TAFA2: variants seen among roughly 807,000 people sequenced by gnomAD.
TAFA2 encodes TAFA chemokine like family member 2.
Under a neutral mutation model 18.8 loss-of-function variants are expected in TAFA2, and 7 were observed. That is an observed-to-expected ratio of 0.37 (90% CI 0.21 to 0.70). The LOEUF (loss-of-function observed/expected upper bound fraction) is 0.70, where lower values mean the gene tolerates loss of function less well. Among genes scored for constraint, TAFA2 ranks in the 30% least tolerant of loss-of-function variants. TAFA2 has a pLI of 0.53. For missense variants in TAFA2, 122 were observed against 158.1 expected (o/e 0.77, Z 1.23); for synonymous variants, 60 against 54.2 (o/e 1.11, Z -0.47).
chr12:61,982,451 A>T (rs976796055), intron 1 of TAFA2, among the ~76,000 whole-genome samples: 1 of 152,070 alleles, frequency 6.6e-6, no homozygotes, highest in African/African-American at 2.4e-5. Context: ...AAAAAAAGAA[A>T]AGAAAAGAAA....
At chr12:61,842,239 T>C (rs976253191) in intron 2 of TAFA2, among the ~76,000 whole-genome samples, 34 of 151,116 alleles carry the variant, frequency 2.2e-4, no homozygotes, top group African/African-American at 7.8e-4. Context: ...GTATATGGTA[T>C]AGTTTGCTCA....
chr12:61,906,045 G>A (rs1015669928), intron 1 of TAFA2, among the ~76,000 whole-genome samples: 2 of 152,164 alleles, frequency 1.3e-5, no homozygotes, highest in Non-Finnish European at 2.9e-5. Context: ...TCAGAGACAT[G>A]AAATTGGTCC....
chr12:62,247,113 A>G (rs2062890453), intron 1 of TAFA2, among the ~76,000 whole-genome samples: 1 of 152,056 alleles, frequency 6.6e-6, no homozygotes, highest in African/African-American at 2.4e-5. Context: ...GCCTTATATT[A>G]GATTGCTTAA....
intron 1 of TAFA2, among the ~76,000 whole-genome samples, 165 bp downstream of exon 1, chr12:62,191,094 C>T (rs2062619770): frequency 6.6e-6 from 1 of 152,164 alleles, no homozygotes; most frequent in South Asian, 2.1e-4. Context: ...GGACCCGCAT[C>T]TGCCCTCACC....
intron 1 of TAFA2, among the ~76,000 whole-genome samples, chr12:61,912,038 A>T (rs1021093983): frequency 6.6e-6 from 1 of 152,232 alleles, no homozygotes; most frequent in Non-Finnish European, 1.5e-5. Flanking sequence ...GTTGCAATTT[A>T]TCAAGTGCCT....
chr12:61,713,092 A>G (rs919729240), intron 4 of TAFA2, among the ~76,000 whole-genome samples: 1 of 152,192 alleles, frequency 6.6e-6, no homozygotes, highest in Non-Finnish European at 1.5e-5. Flanking sequence ...TCCTCCTTAC[A>G]TATTTTAAGT....
chr12:61,890,676 A>T (rs140429859), intron 1 of TAFA2, among the ~76,000 whole-genome samples: 1 of 152,188 alleles, frequency 6.6e-6, no homozygotes, highest in Non-Finnish European at 1.5e-5. Flanking sequence ...TCAGGCTACA[A>T]ATCATTTTCT....
At chr12:61,902,107 A>C (rs972923968) in intron 1 of TAFA2, among the ~76,000 whole-genome samples, 4 of 151,876 alleles carry the variant, frequency 2.6e-5, no homozygotes, top group East Asian at 1.9e-4. Flanking sequence ...AAAAAAAAAA[A>C]AAAAAACCTG....
intron 2 of TAFA2, among the ~76,000 whole-genome samples, chr12:61,831,039 T>C (rs1872702726): frequency 1.3e-5 from 2 of 152,128 alleles, no homozygotes; most frequent in African/African-American, 4.8e-5. Flanking sequence ...ATTGTCTTTG[T>C]AGACTAACAA....
At chr12:62,146,200 G>C (rs1336119572) in intron 1 of TAFA2, among the ~76,000 whole-genome samples, 2 of 151,866 alleles carry the variant, frequency 1.3e-5, no homozygotes, top group Non-Finnish European at 2.9e-5. Flanking sequence ...TCAAGAAGGG[G>C]AAGCACCTTA....
At chr12:62,022,339 T>A (rs1881170338) in intron 1 of TAFA2, among the ~76,000 whole-genome samples, 1 of 152,214 alleles carries the variant, frequency 6.6e-6, no homozygotes, top group Admixed American at 6.5e-5. Context: ...TTTAAAATGG[T>A]GATCCTAGAA....
intron 2 of TAFA2, among the ~76,000 whole-genome samples, chr12:61,845,053 T>C (rs1027553258): frequency 6.6e-6 from 1 of 152,012 alleles, no homozygotes; most frequent in African/African-American, 2.4e-5. Context: ...TAACTGTGGG[T>C]TCCTGGGGAA....
At chr12:62,062,224 T>G (rs1023663720) in intron 1 of TAFA2, among the ~76,000 whole-genome samples, 4 of 152,154 alleles carry the variant, frequency 2.6e-5, no homozygotes, top group African/African-American at 4.8e-5. Flanking sequence ...GCCACTTTAC[T>G]TACAGTTGAA....
intron 1 of TAFA2, among the ~76,000 whole-genome samples, chr12:62,214,241 T>A (rs1379053774): frequency 6.6e-6 from 1 of 152,162 alleles, no homozygotes; most frequent in Non-Finnish European, 1.5e-5. Context: ...TGAATTCCCA[T>A]GTGTTGTGGG....
At chr12:61,891,364 G>A (rs887647989) in intron 1 of TAFA2, among the ~76,000 whole-genome samples, 4 of 152,054 alleles carry the variant, frequency 2.6e-5, no homozygotes, top group African/African-American at 9.7e-5. Context: ...AGAAAAAGAA[G>A]GGCTGCGCGC....
intron 1 of TAFA2, among the ~76,000 whole-genome samples, chr12:61,927,030 G>A (rs569574313): frequency 3.0e-5 from 4 of 133,774 alleles, no homozygotes; most frequent in South Asian, 2.4e-4. Context: ...AGCCGAGATC[G>A]CACCACTATA....
chr12:62,259,417 A>C (rs1164788258), upstream of TAFA2: 2 of 152,204 alleles, frequency 1.3e-5, no homozygotes, highest in Non-Finnish European at 2.9e-5. Context: ...TTTCAGAAGG[A>C]GAGGCAGTGA....
intron 1 of TAFA2, among the ~76,000 whole-genome samples, chr12:61,887,187 A>C (rs375807486): frequency 6.6e-6 from 1 of 152,162 alleles, no homozygotes; most frequent in African/African-American, 2.4e-5. Context: ...AATTCTTTCA[A>C]GAAGACTTCT....
At chr12:61,943,602 G>C (rs949063569) in intron 1 of TAFA2, among the ~76,000 whole-genome samples, 1 of 151,452 alleles carries the variant, frequency 6.6e-6, no homozygotes, top group African/African-American at 2.4e-5. Flanking sequence ...TAAAAGGATG[G>C]AGGAAGATCT....
Sources: allele counts gnomAD v4.1 joint callset (sites outside exome capture counted in the v4.1 genomes callset), GRCh38; gene constraint gnomAD v4.1.1; transcripts MANE v1.5; gene names NCBI Gene and HGNC (gene_info 2026-07-23, HGNC 2026-07-21).